The following NPAP1 variants were observed in gnomAD, a reference collection of about 807,000 sequenced individuals.
The protein encoded by NPAP1 is nuclear pore associated protein 1.
For synonymous variants in NPAP1, 616 were observed against 581.4 expected, an observed-to-expected ratio of 1.06 and a Z score of -0.86; for missense variants, 1,483 against 1,454.5, an observed-to-expected ratio of 1.02 and a Z score of -0.32.
chr15:24,678,433 G>C lies in NPAP1; in HGVS notation c.2566G>C (p.Gly856Arg), dbSNP rs1251811688. The change falls in exon 1 of 1, where the codon GGT becomes CGT. Residue 856 changes from glycine (G) to arginine (R), a missense_variant. By Grantham distance (125) the Gly-to-Arg change is moderately radical. Transcript: ENST00000329468. ...EYIRFYMGLP[G>R]SGNTLHSDSI... ...CATCCGATTTTATATGGGGCTTCCT[G>C]GTTCTGGGAACACACTACACAGTGA... is the stretch of plus-strand genomic sequence containing the variant. 1 of 1,613,972 alleles carries C rather than the reference G, an allele frequency of 6.2e-7. No homozygotes were observed. The highest frequency in any genetic ancestry group is 1.3e-5 in the African/African-American group (1 of 74,886).
In NPAP1 at chr15:24,676,107, C is replaced by T; in HGVS notation, c.240C>T (p.Ala80=). The T allele has an allele frequency of 1.3e-6, 2 of 1,563,130 alleles. No individual in the cohort carries two copies. Among genetic ancestry groups the T allele is most frequent in the Non-Finnish European group, 1.7e-6 (2 of 1,157,632 alleles). Residue 80 remains alanine (A), a synonymous_variant, in exon 1 of 1, where the codon GCC becomes GCT. Transcript: ENST00000329468. ...GTCCTCTCCCTCGGGCTGCGGCCGC[C>T]CCTCTGGGGGTCCTGCCGGCTGTGG... is the stretch of plus-strand genomic sequence containing the variant. The part of the protein sequence containing the change: ...RPCPLPRAAA[A]PLGVLPAVGW...
chr15:24,678,468 C>T lies in NPAP1; in HGVS notation c.2601C>T (p.Ala867=). The T allele has an allele frequency of 6.2e-7, 1 of 1,614,206 alleles. No homozygotes were observed. Among genetic ancestry groups the T allele is most frequent in the Non-Finnish European group, 8.5e-7 (1 of 1,180,046 alleles). The stretch of plus-strand genomic sequence containing the variant: ...ACACACTACACAGTGACAGCATTGC[C>T]TCAGCCCAAGTCTCCACCAGTTTTC... The part of the protein sequence containing the change: ...SGNTLHSDSI[A]SAQVSTSFPA... The change falls in exon 1 of 1, where the codon GCC becomes GCT. Residue 867 remains alanine, a synonymous_variant. Transcript: ENST00000329468.
In NPAP1 at chr15:24,682,733, C is replaced by T. The variant is rs2049025348; in HGVS notation, c.*3395C>T. ...GTGCCTTCCTTTTTTTCTCCTTGAA[C>T]TCTTTTCCCATAAAAAAAAAATGTT... On this transcript the variant is annotated 3_prime_UTR_variant, in exon 1 of 1. Coordinates refer to ENST00000329468, the MANE Select transcript of NPAP1 (RefSeq NM_018958.3). 1 of 166,724 alleles carries T rather than the reference C, an allele frequency of 6.0e-6. No homozygotes were observed. Among genetic ancestry groups the T allele is most frequent in the African/African-American group, 2.4e-5 (1 of 41,370 alleles). 10.3% of individuals were successfully genotyped at this position (166,724 alleles called of 1,614,324 possible).
rs2141314184 is a variant in NPAP1, at chr15:24,679,132, C to T, written c.3265C>T (p.Pro1089Ser). 2 of 1,614,222 alleles carry T rather than the reference C, an allele frequency of 1.2e-6. No individual in the cohort carries two copies. The highest frequency in any genetic ancestry group is 2.2e-5 in the South Asian group (2 of 91,082). Residue 1089 changes from proline (P) to serine (S), a missense_variant, in exon 1 of 1, where the codon CCT becomes TCT. Coordinates refer to ENST00000329468, the MANE Select transcript of NPAP1 (RefSeq NM_018958.3). Reference sequence around the variant, plus strand: ...ATATACTTCTGCTGCCGCCTACATTCCTGGTTTAGACCCACCTACCCAGAA... The same window carrying T: ...ATATACTTCTGCTGCCGCCTACATTTCTGGTTTAGACCCACCTACCCAGAA... ...FGYTSAAAYIPGLDPPTQNSC... is the reference protein window; with the variant it reads ...FGYTSAAAYISGLDPPTQNSC...
rs938040169 is a variant in NPAP1 at position 24,678,576 on chromosome 15, C to T, written c.2709C>T (p.Ala903=). The change falls in exon 1 of 1, where the codon GCC becomes GCT. Residue 903 remains alanine, a synonymous_variant. Transcript: ENST00000329468. The part of the protein sequence containing the change: ...TGSISHSTLG[A]TDGQQKSDSS... ...CCATCTCTCATTCCACACTTGGGGC[C>T]ACTGATGGGCAGCAGAAGTCTGACA... 7 of 1,614,042 alleles carry T rather than the reference C, an allele frequency of 4.3e-6. No individual in the cohort carries two copies. Among genetic ancestry groups the T allele is most frequent in the Middle Eastern group, 1.6e-4 (1 of 6,062 alleles).
At position 24,678,207 on chromosome 15, in the gene NPAP1, G is replaced by A. The variant is rs149985967; in HGVS notation, c.2340G>A (p.Pro780=). ...PQPKFGAPDG[P]QQKTSLPSAH... ...CCAAATTTGGGGCCCCTGATGGGCC[G>A]CAGCAGAAAACCTCTCTCCCCAGTG... is the stretch of plus-strand genomic sequence containing the variant. Residue 780 remains proline, a synonymous_variant, in exon 1 of 1, where the codon CCG becomes CCA. Transcript: ENST00000329468. 4.7e-4 allele frequency: 760 copies of A among 1,612,772 alleles called. 1 individual carries two copies. The highest frequency in any genetic ancestry group is 1.3e-3 in the Admixed American group (78 of 59,886).
chr15:24,676,894 C>A lies in NPAP1; in HGVS notation c.1027C>A (p.Pro343Thr), dbSNP rs36025315. The A allele has an allele frequency of 6.2e-7, 1 of 1,613,606 alleles. No individual in the cohort carries two copies. Among genetic ancestry groups the A allele is most frequent in the Non-Finnish European group, 8.5e-7 (1 of 1,180,028 alleles). The change falls in exon 1 of 1, where the codon CCA becomes ACA. Residue 343 changes from proline (P) to threonine (T), a missense_variant. By Grantham distance (38) the Pro-to-Thr change is conservative. Coordinates refer to ENST00000329468, the MANE Select transcript of NPAP1 (RefSeq NM_018958.3). ...GCTGCTGCCGCTGCCCCCTTCACTG[C>A]CATTGCTGTGGGATCGAGGTGAGCT... Reference protein sequence around the residue: ...PLLLPLPPSLPLLWDRGELPP... With the variant: ...PLLLPLPPSLTLLWDRGELPP...
rs1195167716 is a variant in NPAP1 at position 24,681,978 on chromosome 15, C to T, written c.*2640C>T. On this transcript the variant is annotated 3_prime_UTR_variant, in exon 1 of 1. Coordinates refer to ENST00000329468, the MANE Select transcript of NPAP1 (RefSeq NM_018958.3). ...TGAGATGGAGTCTTGCTCTGTCACC[C>T]AGGCTGGAGTGCAGTGGCGTGATCT... The T allele has an allele frequency of 6.0e-6, 1 of 166,866 alleles. No homozygotes were observed. The highest frequency in any genetic ancestry group is 6.6e-5 in the Admixed American group (1 of 15,260). The allele number at this position is 166,866 out of a possible 1,614,324, so 10.3% of individuals were successfully genotyped here.
In NPAP1 at chr15:24,681,437, A is replaced by C. The variant is rs1286877556; in HGVS notation, c.*2099A>C. 1.2e-5 allele frequency: 2 copies of C among 164,018 alleles called. No individual in the cohort carries two copies. The highest frequency in any genetic ancestry group is 1.9e-4 in the East Asian group (1 of 5,186). 10.2% of individuals were successfully genotyped at this position (164,018 alleles called of 1,614,324 possible). ...ATGGACTGAATGTTTGTGTACCCCC[A>C]AAAATTGATATTTTGAAGCCTAACT... On this transcript the variant is annotated 3_prime_UTR_variant, in exon 1 of 1. Coordinates refer to ENST00000329468, the MANE Select transcript of NPAP1 (RefSeq NM_018958.3).
chr15:24,678,111 G>A lies in NPAP1; in HGVS notation c.2244G>A (p.Leu748=), dbSNP rs2048990159. 6.2e-7 allele frequency: 1 copy of A among 1,610,530 alleles called. No homozygotes were observed. Among genetic ancestry groups the A allele is most frequent in the Admixed American group, 1.7e-5 (1 of 59,614 alleles). ...NTASVQGSTS[L]PAQSVRAPAT... Reference sequence around the variant, plus strand: ...CCTCAGTCCAAGGCTCCACCAGTTTGCCTGCACAGTCAGTCAGGGCACCAG... The same window carrying A: ...CCTCAGTCCAAGGCTCCACCAGTTTACCTGCACAGTCAGTCAGGGCACCAG... Residue 748 remains leucine (L), a synonymous_variant, in exon 1 of 1, where the codon TTG becomes TTA. Transcript: ENST00000329468.
In NPAP1 at chr15:24,676,089, C is replaced by T. The variant is rs2141307251; in HGVS notation, c.222C>T (p.Leu74=). Residue 74 remains leucine (L), a synonymous_variant, in exon 1 of 1, where the codon CTC becomes CTT. Transcript: ENST00000329468. ...IFVAPKRPCP[L]PRAAAAPLGV... is the part of the protein sequence containing the mutation. ...TCGCCCCTAAGAGGCCGTGTCCTCTCCCTCGGGCTGCGGCCGCCCCTCTGG... is the reference window on the plus strand; with the variant it reads ...TCGCCCCTAAGAGGCCGTGTCCTCTTCCTCGGGCTGCGGCCGCCCCTCTGG... 1 of 1,563,530 alleles carries T rather than the reference C, an allele frequency of 6.4e-7. No homozygotes were observed. The highest frequency in any genetic ancestry group is 8.6e-7 in the Non-Finnish European group (1 of 1,158,462).
rs2049021491 is a variant in NPAP1 at position 24,682,067 on chromosome 15, T to C, written c.*2729T>C. On this transcript the variant is annotated 3_prime_UTR_variant, in exon 1 of 1. Coordinates refer to ENST00000329468, the MANE Select transcript of NPAP1 (RefSeq NM_018958.3). ...TTTATTAGCATAAAAGCACTTACTTTTATGAAGCAAACACATGTAAAAATA... is the reference window on the plus strand; with the variant it reads ...TTTATTAGCATAAAAGCACTTACTTCTATGAAGCAAACACATGTAAAAATA... 1 of 167,032 alleles carries C rather than the reference T, an allele frequency of 6.0e-6. No individual in the cohort carries two copies. The highest frequency in any genetic ancestry group is 1.5e-5 in the Non-Finnish European group (1 of 68,104). The allele number at this position is 167,032 out of a possible 1,614,324, so 10.3% of individuals were successfully genotyped here. A position where few individuals can be genotyped will look rare whatever the true frequency, so the allele number is the denominator to read the frequency against.
rs2141312009 is a variant in NPAP1, at chr15:24,678,171, C to T, written c.2304C>T (p.Ala768=). The T allele has an allele frequency of 6.2e-7, 1 of 1,613,562 alleles. No homozygotes were observed. The highest frequency in any genetic ancestry group is 8.5e-7 in the Non-Finnish European group (1 of 1,179,942). Residue 768 remains alanine, a synonymous_variant, in exon 1 of 1, where the codon GCC becomes GCT. Transcript: ENST00000329468. ...TASNHPLNPG[A]TPQPKFGAPD... ...CCAACCATCCTTTAAATCCAGGAGC[C>T]ACCCCTCAACCCAAATTTGGGGCCC...
chr15:24,679,250 G>A, the NPAP1 span: 2 of 1,614,058 alleles, frequency 1.2e-6, no homozygotes, highest in Non-Finnish European at 1.7e-6. Flanking sequence ...CAGCACACAT[G>A]GACAGAGAGA....
rs747459205 is a variant in NPAP1, at chr15:24,677,251, C to T, written c.1384C>T (p.Pro462Ser). 5.6e-6 allele frequency: 9 copies of T among 1,614,140 alleles called. No homozygotes were observed. The highest frequency in any genetic ancestry group is 6.8e-6 in the Non-Finnish European group (8 of 1,180,048). ...EKIAFTIPNS[P>S]LALPADLVPI... Reference sequence around the variant, plus strand: ...AATAGCATTCACAATCCCTAACTCTCCTCTGGCTCTTCCTGCTGACCTTGT... The same window carrying T: ...AATAGCATTCACAATCCCTAACTCTTCTCTGGCTCTTCCTGCTGACCTTGT... Residue 462 changes from proline to serine, a missense_variant, in exon 1 of 1, where the codon CCT becomes TCT. Transcript: ENST00000329468.
rs754075519 is a variant in NPAP1 at position 24,676,278 on chromosome 15, C to T, written c.411C>T (p.Ala137=). The change falls in exon 1 of 1, where the codon GCC becomes GCT. Residue 137 remains alanine, a synonymous_variant. Coordinates refer to ENST00000329468, the MANE Select transcript of NPAP1 (RefSeq NM_018958.3). Reference sequence around the variant, plus strand: ...CACCACGTGAGCCGGCGGTCAAGGCCAGGAAGCCCATCCCAGCCACTCTCC... The same window carrying T: ...CACCACGTGAGCCGGCGGTCAAGGCTAGGAAGCCCATCCCAGCCACTCTCC... ...LPSPREPAVK[A]RKPIPATLLE... 5 of 1,519,630 alleles carry T rather than the reference C, an allele frequency of 3.3e-6. No individual in the cohort carries two copies. The highest frequency in any genetic ancestry group is 3.5e-6 in the Non-Finnish European group (4 of 1,135,900). The allele number at this position is 1,519,630 out of a possible 1,614,324, so 94.1% of individuals were successfully genotyped here. A position where few individuals can be genotyped will look rare whatever the true frequency, so the allele number is the denominator to read the frequency against.
In NPAP1 at chr15:24,683,309, C is replaced by T. The variant is rs976148098; in HGVS notation, c.*3971C>T. 1.2e-5 allele frequency: 2 copies of T among 167,242 alleles called. No individual in the cohort carries two copies. The highest frequency in any genetic ancestry group is 2.9e-5 in the Non-Finnish European group (2 of 68,320). 10.4% of individuals were successfully genotyped at this position (167,242 alleles called of 1,614,324 possible). On this transcript the variant is annotated 3_prime_UTR_variant, in exon 1 of 1. Coordinates refer to ENST00000329468, the MANE Select transcript of NPAP1 (RefSeq NM_018958.3). Reference sequence around the variant, plus strand: ...CGCGTCAGGTTATAAATGACCCTGTCTCCTTTGTTCGGTGTACTCTTGTGG... The same window carrying T: ...CGCGTCAGGTTATAAATGACCCTGTTTCCTTTGTTCGGTGTACTCTTGTGG...
rs2048984282 is a variant in NPAP1 at position 24,677,422 on chromosome 15, A to C, written c.1555A>C (p.Met519Leu). The C allele has an allele frequency of 1.2e-6, 2 of 1,613,748 alleles. No homozygotes were observed. The highest frequency in any genetic ancestry group is 1.7e-6 in the Non-Finnish European group (2 of 1,179,970). ...CGTCACAAGGGAGTCCCCAATATCT[A>C]TGTGTGTGGATTCCCCTCCTCCTCT... is the stretch of plus-strand genomic sequence containing the variant. ...PPVTRESPIS[M>L]CVDSPPPLSF... is the part of the protein sequence containing the mutation. Residue 519 changes from methionine (M) to leucine (L), a missense_variant, in exon 1 of 1, where the codon ATG becomes CTG. Met to Leu is a conservative substitution (Grantham distance 15). Transcript: ENST00000329468.
rs79793925 is a variant in NPAP1, at chr15:24,677,120, C to T, written c.1253C>T (p.Ser418Phe). The change falls in exon 1 of 1, where the codon TCC (serine) becomes TTC (phenylalanine). Residue 418 changes from serine (S) to phenylalanine (F), a missense_variant. Coordinates refer to ENST00000329468, the MANE Select transcript of NPAP1 (RefSeq NM_018958.3). Reference sequence around the variant, plus strand: ...TCCCTGCCCCTGACCACTTACACTTCCCAGGTCTCAGCTCCTTTGCCCATC... The same window carrying T: ...TCCCTGCCCCTGACCACTTACACTTTCCAGGTCTCAGCTCCTTTGCCCATC... ...TDSLPLTTYT[S>F]QVSAPLPIPD... is the part of the protein sequence containing the mutation. The T allele has an allele frequency of 6.2e-7, 1 of 1,614,138 alleles. No homozygotes were observed. Among genetic ancestry groups the T allele is most frequent in the East Asian group, 2.2e-5 (1 of 44,864 alleles).
Sources: gnomAD v4.1 joint callset for allele counts on GRCh38, gnomAD v4.1.1 for gene constraint, MANE v1.5 for transcripts, NCBI Gene and HGNC (gene_info 2026-07-23, HGNC 2026-07-21) for gene names.